Variants in DAB1 observed in about 807,000 individuals in gnomAD.
DAB1 encodes the protein DAB adaptor protein 1.
Under a neutral mutation model 64.6 loss-of-function variants are expected in DAB1, and 15 were observed. The observed-to-expected ratio is 0.23, with a 90% confidence interval of 0.16 to 0.36. DAB1 has a LOEUF of 0.36. Among genes scored for constraint, DAB1 ranks in the 10% least tolerant of loss-of-function variants. The pLI is 1.00. For missense variants in DAB1, 596 were observed against 706.7 expected (o/e 0.84, Z 1.78); for synonymous variants, 235 against 251.9 (o/e 0.93, Z 0.64).
At chr1:57,766,296 A>C (rs1056789428) in intron 6 of DAB1, among the ~76,000 whole-genome samples, 2 of 151,642 alleles carry the variant, frequency 1.3e-5, no homozygotes, top group African/African-American at 2.4e-5. Context: ...AAAAACAAAA[A>C]ACTTAAACTT....
chr1:57,713,804 G>A (rs1270882136), intron 6 of DAB1, among the ~76,000 whole-genome samples: 1 of 152,174 alleles, frequency 6.6e-6, no homozygotes, highest in African/African-American at 2.4e-5. Flanking sequence ...TTTTAGCCTA[G>A]TAATCATGAA....
chr1:58,519,654 G>A (rs182204124), intron 2 of DAB1, among the ~76,000 whole-genome samples: 5 of 152,108 alleles, frequency 3.3e-5, no homozygotes, highest in African/African-American at 9.6e-5. Context: ...AATAAGCAAC[G>A]ATGCCAACAA....
chr1:57,502,060 C>A (rs915731747), intron 7 of DAB1, among the ~76,000 whole-genome samples: 6 of 152,028 alleles, frequency 3.9e-5, no homozygotes, highest in African/African-American at 1.2e-4. Context: ...GTGGCTCACG[C>A]CTGAAATCCC....
intron 7 of DAB1, among the ~76,000 whole-genome samples, chr1:57,604,217 G>C (rs562796613): frequency 3.9e-5 from 6 of 152,134 alleles, no homozygotes; most frequent in Admixed American, 3.9e-4. Context: ...TCAAGTCTAG[G>C]CTCCAAAACC....
intron 2 of DAB1, among the ~76,000 whole-genome samples, chr1:57,198,449 C>A (rs1326810381): frequency 6.6e-6 from 1 of 152,150 alleles, no homozygotes; most frequent in Non-Finnish European, 1.5e-5. Context: ...CTGCCCCAAG[C>A]CCCAGGGCCC....
Position 57,880,112 on chromosome 1 carries a change from C to G in DAB1, n.87+3887G>C, listed in dbSNP as rs557370028. ...GTCTGTTTCCCCCTCCCCCCTACCC[C>G]CCCTAGTACCTTTGGCAAACACAGA... On this transcript the variant is annotated intron_variant and non_coding_transcript_variant, in intron 1 of 1. Transcript: ENST00000477280. 5.3e-5 allele frequency: 8 copies of G among 152,136 alleles called. No individual in the cohort carries two copies. The East Asian group carries it at 1.4e-3, about 26-fold the overall frequency. The allele number at this position is 152,136 out of a possible 1,614,324, so 9.4% of individuals were successfully genotyped here. A position where few individuals can be genotyped will look rare whatever the true frequency, so the allele number is the denominator to read the frequency against.
chr1:58,383,844 G>C (rs1300433945), intron 3 of DAB1, among the ~76,000 whole-genome samples: 3 of 152,166 alleles, frequency 2.0e-5, no homozygotes, highest in Admixed American at 1.3e-4. Context: ...ATGAATGTGG[G>C]TGTGTAGGTA....
rs566640801 is a variant in DAB1, at chr1:57,325,517, C to A, written c.-136-34351G>T. 1.1e-4 allele frequency among the ~76,000 whole-genome samples: 16 copies of A among 152,312 alleles called. No homozygotes were observed. In the East Asian group the frequency reaches 3.1e-3, roughly 29 times the overall value. Reference sequence around the variant, plus strand: ...AAAGTACCTAATGCGGTGCTTGGTACAGAGCAGGTGCTATTATTATAACTG... The same window carrying A: ...AAAGTACCTAATGCGGTGCTTGGTAAAGAGCAGGTGCTATTATTATAACTG... On this transcript the variant is annotated intron_variant, in intron 1 of 14. Transcript: ENST00000371236.
Position 57,062,870 on chromosome 1 carries a change from G to A in DAB1, c.723+14C>T, listed in dbSNP as rs1331972175. 1 of 1,610,366 alleles carries A rather than the reference G, an allele frequency of 6.2e-7. No homozygotes were observed. Among genetic ancestry groups the A allele is most frequent in the African/African-American group, 1.3e-5 (1 of 74,852 alleles). On this transcript the variant is annotated intron_variant, in intron 9 of 14. Transcript: ENST00000371236. ...GGTCACGGAAACCTGGCAGTGGAGA[G>A]GAGATGTACTTACACTTACAGGTTG... is the stretch of plus-strand genomic sequence containing the variant.
chr1:57,775,930 A>C (rs1350239212), intron 6 of DAB1, among the ~76,000 whole-genome samples: 1 of 151,648 alleles, frequency 6.6e-6, no homozygotes, highest in Non-Finnish European at 1.5e-5. Context: ...AAATTGTGAT[A>C]TCTTTATGTT....
rs1682837452 is a variant in DAB1, at chr1:57,396,707, T to G, written c.-137+27223A>C. Among the ~76,000 whole-genome samples the G allele has an allele frequency of 2.6e-5, 4 of 152,164 alleles. No individual in the cohort carries two copies. In the South Asian group the frequency reaches 8.3e-4, roughly 32 times the overall value. On this transcript the variant is annotated intron_variant, in intron 1 of 14. Coordinates refer to ENST00000371236, the MANE Select transcript of DAB1 (RefSeq NM_001365792.1). ...GTACTAGTACTTCTCTATGCCTCAG[T>G]TCCTTCATCTGTCAAATGGGGCCAA...
intron 7 of DAB1, among the ~76,000 whole-genome samples, chr1:57,445,172 T>C (rs1686094504): frequency 6.6e-6 from 1 of 152,094 alleles, no homozygotes; most frequent in Admixed American, 6.6e-5. Flanking sequence ...TTATTTATCA[T>C]TTATTTATTA....
intron 5 of DAB1, among the ~76,000 whole-genome samples, chr1:58,116,336 G>A (rs1557656518): frequency 6.6e-6 from 1 of 152,196 alleles, no homozygotes; most frequent in Non-Finnish European, 1.5e-5. Context: ...CTTCTTAGGT[G>A]AGGAAAAGAA....
rs796447106 is a variant in DAB1, at chr1:57,695,392, G to GA, written n.552-45728dup. Among the ~76,000 whole-genome samples, 74 of 79,836 alleles carry GA rather than the reference G, an allele frequency of 9.3e-4. 2 individuals are homozygous for GA. Among genetic ancestry groups the GA allele is most frequent in the East Asian group, 3.6e-3 (6 of 1,688 alleles). The allele number at this position is 79,836 out of a possible 152,430, so 52.4% of individuals were successfully genotyped here. ...AGAAAGAAAGAAAGAAAGAAAGAAA[G>GA]AAAGAAAGAAAGAAAGAAAGAAAGA... is the stretch of plus-strand genomic sequence containing the variant. On this transcript the variant is annotated intron_variant and non_coding_transcript_variant, in intron 6 of 20. Coordinates refer to the DAB1 transcript ENST00000485760.
intron 4 of DAB1, among the ~76,000 whole-genome samples, chr1:58,295,845 C>T (rs2100454905): frequency 6.6e-6 from 1 of 151,944 alleles, no homozygotes; most frequent in Non-Finnish European, 1.5e-5. Context: ...AATTCCAGCA[C>T]TTTGGGAGGT....
chr1:57,344,196 T>A (rs943652088), intron 1 of DAB1, among the ~76,000 whole-genome samples: 1 of 152,138 alleles, frequency 6.6e-6, no homozygotes, highest in African/African-American at 2.4e-5. Flanking sequence ...GATTCCAAAG[T>A]CTTTGCTCTT....
chr1:57,532,409 T>C (rs1427597373), intron 7 of DAB1, among the ~76,000 whole-genome samples: 2 of 152,212 alleles, frequency 1.3e-5, no homozygotes, highest in Non-Finnish European at 2.9e-5. Flanking sequence ...CCTTATGTCA[T>C]TGTATATATT....
At chr1:57,579,699 A>C (rs952456226) in intron 7 of DAB1, among the ~76,000 whole-genome samples, 19 of 152,276 alleles carry the variant, frequency 1.2e-4, no homozygotes, top group African/African-American at 4.6e-4. Flanking sequence ...GAGAGCAGAG[A>C]GGACAGTGGG....
intron 3 of DAB1, among the ~76,000 whole-genome samples, chr1:58,359,225 A>G (rs1275744660): frequency 6.6e-6 from 1 of 152,240 alleles, no homozygotes; most frequent in African/African-American, 2.4e-5. Flanking sequence ...AGGAAGTCAG[A>G]AATGTTGCCC....
Sources: gnomAD v4.1 joint callset for allele counts (sites outside exome capture counted in the v4.1 genomes callset) on GRCh38, gnomAD v4.1.1 for gene constraint, MANE v1.5 for transcripts, NCBI Gene and HGNC (gene_info 2026-07-23, HGNC 2026-07-21) for gene names.